Variants in BID observed in about 807,000 individuals in gnomAD.
BID encodes the protein BH3 interacting domain death agonist.
BID carries 19 observed loss-of-function variants against 17.4 expected under a neutral mutation model. The ratio of observed to expected loss-of-function variants is 1.09; its 90% CI spans 0.76 to 1.60. The LOEUF is 1.60. Ranked by LOEUF, BID falls within the 40% of genes most tolerant of loss-of-function variation. The pLI is 0.00. For missense variants in BID, 226 were observed against 256.0 expected (o/e 0.88, Z 0.80); for synonymous variants, 108 against 102.8 (o/e 1.05, Z -0.31).
At chr22:17,742,502 G>T (rs897890846) in intron 3 of BID, among the ~76,000 whole-genome samples, 1 of 31,282 alleles carries the variant, frequency 3.2e-5, no homozygotes, top group African/African-American at 2.0e-4. Flanking sequence ...CCCCACCCCG[G>T]TCTAGTGGGG....
intron 3 of BID, chr22:17,739,775 C>T: frequency 3.5e-6 from 2 of 577,692 alleles, no homozygotes; most frequent in Non-Finnish European, 6.2e-6. Flanking sequence ...GCATCACGAC[C>T]ACGCCTGAGG....
chr22:17,765,085 G>C (rs2061668925), intron 1 of BID, among the ~76,000 whole-genome samples: 1 of 152,194 alleles, frequency 6.6e-6, no homozygotes, highest in Admixed American at 6.5e-5. Context: ...GAGTCAGTAA[G>C]TAGTTCCAGT....
At position 17,755,456 on chromosome 22, in the gene BID, G is replaced by T. The variant is rs2061575338; in HGVS notation, c.-58-5282C>A. On this transcript the variant is annotated intron_variant, in intron 1 of 5. Transcript: ENST00000622694. Reference sequence around the variant, plus strand: ...TTAATCAGAAAAGGAGAGGGGTAGGGAAAGGAATTCCTGACACTTCACTTT... The same window carrying T: ...TTAATCAGAAAAGGAGAGGGGTAGGTAAAGGAATTCCTGACACTTCACTTT... 1.3e-5 allele frequency among the ~76,000 whole-genome samples: 2 copies of T among 152,124 alleles called. 1 individual carries two copies. Among genetic ancestry groups the T allele is most frequent in the South Asian group, 4.2e-4 (2 of 4,818 alleles).
rs1569035578 is a variant in BID at position 17,735,457 on chromosome 22, T to C, written c.*123A>G. ...TTGTCTTTAAAATAGAAGTCACAGC[T>C]ATCTTCCAGCCTGTCTTCTCTAGGA... On this transcript the variant is annotated 3_prime_UTR_variant, in exon 6 of 6. Transcript: ENST00000622694. 3 of 1,094,162 alleles carry C rather than the reference T, an allele frequency of 2.7e-6. No homozygotes were observed. The highest frequency in any genetic ancestry group is 4.1e-6 in the Non-Finnish European group (3 of 731,222). The allele number at this position is 1,094,162 out of a possible 1,614,324, so 67.8% of individuals were successfully genotyped here.
At chr22:17,738,907 C>T (rs1033388211) in intron 4 of BID, among the ~76,000 whole-genome samples, 3 of 152,116 alleles carry the variant, frequency 2.0e-5, no homozygotes, top group South Asian at 2.1e-4. Context: ...CACAGTGCCC[C>T]GGACCAATCT....
intron 1 of BID, among the ~76,000 whole-genome samples, chr22:17,766,396 C>G (rs565499747): frequency 2.0e-5 from 3 of 151,766 alleles, no homozygotes; most frequent in East Asian, 1.9e-4. Flanking sequence ...ATTCTCCTGC[C>G]TCAGCCTCCC....
intron 1 of BID, among the ~76,000 whole-genome samples, chr22:17,763,407 C>T (rs1177052597): frequency 6.6e-6 from 1 of 152,104 alleles, no homozygotes; most frequent in African/African-American, 2.4e-5. Flanking sequence ...CCACACCTGG[C>T]TAATTTTTGT....
At chr22:17,762,783 G>T (rs947316006) in intron 1 of BID, among the ~76,000 whole-genome samples, 1 of 151,922 alleles carries the variant, frequency 6.6e-6, no homozygotes, top group Non-Finnish European at 1.5e-5. Context: ...TTAATCAAAC[G>T]CTTTTTGGTT....
chr22:17,744,489 C>T (rs1486483933), intron 2 of BID, among the ~76,000 whole-genome samples: 1 of 152,260 alleles, frequency 6.6e-6, no homozygotes, highest in African/African-American at 2.4e-5. Context: ...CCTTCACGGG[C>T]TCAGGAGGGT....
At chr22:17,767,209 G>GTGAGAT (rs1296944709) in intron 1 of BID, among the ~76,000 whole-genome samples, 13 of 131,280 alleles carry the variant, frequency 9.9e-5, no homozygotes, top group Admixed American at 5.5e-4. Flanking sequence ...GTGTGACAGA[G>GTGAGAT]TGAGATTCCA....
chr22:17,738,146 C>G lies in BID; in HGVS notation c.447G>C (p.Leu149=), dbSNP rs150956841. ...TCTTGGCCAGCAGCAGGGCCAGCAC[C>G]AGCATGGTCTTCTCCTTCTCCATGT... The part of the protein sequence containing the change: ...PRDMEKEKTM[L]VLALLLAKKV... Residue 149 remains leucine, a synonymous_variant, in exon 5 of 6, where the codon CTG becomes CTC. Transcript: ENST00000622694. The G allele has an allele frequency of 6.2e-7, 1 of 1,613,834 alleles. No individual in the cohort carries two copies. Among genetic ancestry groups the G allele is most frequent in the African/African-American group, 1.3e-5 (1 of 74,922 alleles).
intron 4 of BID, 61 bp from the exon 5 acceptor site, chr22:17,738,290 A>G (rs1485440364): frequency 6.7e-7 from 1 of 1,485,924 alleles, no homozygotes; most frequent in Non-Finnish European, 9.2e-7. Flanking sequence ...AAGGAAAGAC[A>G]GTCCCCAGTA....
Position 17,769,210 on chromosome 22 carries a change from C to T in BID, c.-59+5171G>A, listed in dbSNP as rs2061701603. 6.6e-6 allele frequency among the ~76,000 whole-genome samples: 1 copy of T among 152,226 alleles called. No individual in the cohort carries two copies. Among genetic ancestry groups the T allele is most frequent in the African/African-American group, 2.4e-5 (1 of 41,460 alleles). On this transcript the variant is annotated intron_variant, in intron 1 of 5. Coordinates refer to ENST00000622694, the MANE Select transcript of BID (RefSeq NM_001196.4). The surrounding 1 kb of genome is among the most constrained non-coding windows in gnomAD (Gnocchi z 4.8). ...CCTGCCTGGCAGAAATGCCACCCAG[C>T]CCCTGGCAGAAACGCCTCCCCTCTC... is the stretch of plus-strand genomic sequence containing the variant.
chr22:17,756,348 G>A (rs1038519070), intron 1 of BID, among the ~76,000 whole-genome samples: 10 of 152,150 alleles, frequency 6.6e-5, no homozygotes, highest in African/African-American at 1.7e-4. Context: ...GGCACTGGTC[G>A]TTTTCCACTG....
intron 2 of BID, among the ~76,000 whole-genome samples, chr22:17,745,941 G>A (rs1296079237): frequency 6.6e-6 from 1 of 152,046 alleles, no homozygotes; most frequent in Non-Finnish European, 1.5e-5. Context: ...ACTCCAGCCT[G>A]GGGGACGAGA....
intron 3 of BID, 157 bp from the exon 4 acceptor site, chr22:17,739,645 C>T (rs982843690): frequency 1.7e-5 from 17 of 1,006,340 alleles, no homozygotes; most frequent in South Asian, 4.8e-5. Context: ...CCACAGCGGG[C>T]GGGCTGAGTA....
At chr22:17,738,547 C>T (rs1338149837) in intron 4 of BID, among the ~76,000 whole-genome samples, 2 of 152,140 alleles carry the variant, frequency 1.3e-5, no homozygotes, top group Non-Finnish European at 2.9e-5. Flanking sequence ...ACCTGCGACG[C>T]CTTAGGCCCA....
intron 1 of BID, among the ~76,000 whole-genome samples, chr22:17,751,652 C>T (rs919917812): frequency 3.3e-5 from 5 of 152,322 alleles, no homozygotes; most frequent in South Asian, 2.1e-4. Context: ...CACTGACATG[C>T]GCATCACCCA....
intron 3 of BID, among the ~76,000 whole-genome samples, chr22:17,741,666 C>CG (rs1401631912): frequency 1.3e-5 from 2 of 151,900 alleles, no homozygotes; most frequent in Admixed American, 1.3e-4. Context: ...TTAGTAGAGA[C>CG]GGGGTTTCAC....
Sources: allele counts gnomAD v4.1 joint callset (sites outside exome capture counted in the v4.1 genomes callset), GRCh38; gene constraint gnomAD v4.1.1; non-coding constraint Gnocchi (gnomAD v3.1); transcripts MANE v1.5; gene names NCBI Gene and HGNC (gene_info 2026-07-23, HGNC 2026-07-21).